Variants in NDUFAF2 observed in about 807,000 individuals in gnomAD.
NDUFAF2 encodes the protein NADH:ubiquinone oxidoreductase complex assembly factor 2.
NDUFAF2 carries 13 observed loss-of-function variants against 22.8 expected under a neutral mutation model. The ratio of observed to expected loss-of-function variants is 0.57; its 90% CI spans 0.37 to 0.91. NDUFAF2 has a LOEUF of 0.91. Among genes scored for constraint, NDUFAF2 ranks in the 40% least tolerant of loss-of-function variants. The pLI is 0.01. For missense variants in NDUFAF2, 162 were observed against 195.2 expected (o/e 0.83, Z 1.01); for synonymous variants, 53 against 64.2 (o/e 0.83, Z 0.84).
At chr5:61,117,820 T>C (rs1297347221) in intron 3 of NDUFAF2, among the ~76,000 whole-genome samples, 15 of 152,130 alleles carry the variant, frequency 9.9e-5, no homozygotes, top group Admixed American at 9.2e-4. Context: ...AGCTCTGCCA[T>C]TGTAGTATGA....
intron 3 of NDUFAF2, among the ~76,000 whole-genome samples, chr5:61,127,827 T>G (rs1190983188): frequency 1.3e-5 from 2 of 152,108 alleles, no homozygotes; most frequent in Admixed American, 6.6e-5. Context: ...TAAAGGGTAT[T>G]CAGTTAGGAA....
intron 1 of NDUFAF2, among the ~76,000 whole-genome samples, chr5:60,988,748 C>A (rs1751117098): frequency 6.6e-6 from 1 of 152,074 alleles, no homozygotes. Context: ...TGAAACTGGA[C>A]CCCTTTCTTA....
At chr5:61,078,240 A>G (rs1752393974) in intron 2 of NDUFAF2, among the ~76,000 whole-genome samples, 1 of 147,750 alleles carries the variant, frequency 6.8e-6, no homozygotes, top group Non-Finnish European at 1.5e-5. Context: ...TACCTTATTC[A>G]TTTTTGTATT....
intron 1 of NDUFAF2, among the ~76,000 whole-genome samples, chr5:60,947,292 C>G (rs1446097358): frequency 3.3e-5 from 5 of 152,112 alleles, no homozygotes; most frequent in Non-Finnish European, 7.4e-5. Flanking sequence ...TTAGTATTAT[C>G]TGATTTTTGG....
intron 1 of NDUFAF2, among the ~76,000 whole-genome samples, chr5:61,031,801 A>G (rs976058122): frequency 1.3e-5 from 2 of 152,310 alleles, no homozygotes; most frequent in Admixed American, 1.3e-4. Flanking sequence ...GAATTGCCAC[A>G]CTGTCTTCCA....
intron 3 of NDUFAF2, among the ~76,000 whole-genome samples, chr5:61,108,037 T>G (rs538488247): frequency 6.6e-6 from 1 of 151,006 alleles, no homozygotes; most frequent in East Asian, 1.9e-4. Flanking sequence ...AACTCATCAT[T>G]TTTTATGGCT....
intron 1 of NDUFAF2, among the ~76,000 whole-genome samples, chr5:61,024,578 G>A (rs1014487965): frequency 6.6e-6 from 1 of 151,908 alleles, no homozygotes; most frequent in Non-Finnish European, 1.5e-5. Flanking sequence ...TTACTGTTGA[G>A]ATAATTGAGA....
intron 3 of NDUFAF2, among the ~76,000 whole-genome samples, chr5:61,121,825 C>T (rs295582): frequency 1.3e-4 from 20 of 149,522 alleles, no homozygotes; most frequent in East Asian, 2.0e-4. Context: ...CTTTCCTTTT[C>T]TTTTCTTTTT....
rs1207127815 is a variant in NDUFAF2, at chr5:60,984,367, T to C, written c.127+38985T>C. On this transcript the variant is annotated intron_variant, in intron 1 of 3. Coordinates refer to ENST00000296597, the MANE Select transcript of NDUFAF2 (RefSeq NM_174889.5). ...AACAGGGACAATTTGACTTCCTCTTTTCCTAATTGAATGCCCTTTATTTCC... is the reference window on the plus strand; with the variant it reads ...AACAGGGACAATTTGACTTCCTCTTCTCCTAATTGAATGCCCTTTATTTCC... Among the ~76,000 whole-genome samples, 4 of 152,226 alleles carry C rather than the reference T, an allele frequency of 2.6e-5. No homozygotes were observed. The East Asian group carries it at 7.7e-4, about 29-fold the overall frequency.
At chr5:60,971,848 A>C (rs1038998133) in intron 1 of NDUFAF2, among the ~76,000 whole-genome samples, 1 of 151,354 alleles carries the variant, frequency 6.6e-6, no homozygotes, top group Admixed American at 6.6e-5. Flanking sequence ...ACATTTTCTT[A>C]ATCCAGTCTA....
At chr5:61,001,790 G>A (rs1049315370) in intron 1 of NDUFAF2, among the ~76,000 whole-genome samples, 2 of 152,002 alleles carry the variant, frequency 1.3e-5, no homozygotes, top group African/African-American at 2.4e-5. Context: ...TCCACATCCC[G>A]TGATCAAACC....
chr5:61,124,883 C>T (rs1753016800), intron 3 of NDUFAF2, among the ~76,000 whole-genome samples: 1 of 151,988 alleles, frequency 6.6e-6, no homozygotes, highest in Non-Finnish European at 1.5e-5. Flanking sequence ...CGCACAGTTC[C>T]CCATAGCTGG....
chr5:61,121,909 C>A (rs964008940), intron 3 of NDUFAF2, among the ~76,000 whole-genome samples: 1 of 151,290 alleles, frequency 6.6e-6, no homozygotes, highest in Admixed American at 6.6e-5. Flanking sequence ...CAGCTCACTG[C>A]AACCTCTGCC....
intron 2 of NDUFAF2, among the ~76,000 whole-genome samples, chr5:61,083,975 G>T (rs1446903546): frequency 6.6e-6 from 1 of 151,464 alleles, no homozygotes; most frequent in Non-Finnish European, 1.5e-5. Context: ...TTGCCTTACT[G>T]CACTGGCAAG....
chr5:61,131,354 T>G (rs1179581944), intron 3 of NDUFAF2, among the ~76,000 whole-genome samples: 1 of 152,062 alleles, frequency 6.6e-6, no homozygotes, highest in African/African-American at 2.4e-5. Context: ...TGTGTTGTTT[T>G]TTTGGGGGGT....
chr5:60,965,350 A>G (rs1048247249), intron 1 of NDUFAF2, among the ~76,000 whole-genome samples: 18 of 152,310 alleles, frequency 1.2e-4, no homozygotes, highest in East Asian at 1.9e-4. Flanking sequence ...GAACATATCT[A>G]CACCTCACAG....
At chr5:61,077,987 A>C (rs1425995890) in intron 2 of NDUFAF2, among the ~76,000 whole-genome samples, 2 of 152,204 alleles carry the variant, frequency 1.3e-5, no homozygotes, top group Non-Finnish European at 2.9e-5. Context: ...TACTGCCTAC[A>C]TCATTTATAA....
At chr5:61,006,509 T>C (rs1751368432) in intron 1 of NDUFAF2, among the ~76,000 whole-genome samples, 1 of 152,174 alleles carries the variant, frequency 6.6e-6, no homozygotes, top group African/African-American at 2.4e-5. Context: ...GGGGATGGCA[T>C]TGAATCTATA....
At chr5:60,971,106 A>G (rs1180064417) in intron 1 of NDUFAF2, among the ~76,000 whole-genome samples, 2 of 149,172 alleles carry the variant, frequency 1.3e-5, no homozygotes, top group African/African-American at 4.9e-5. Flanking sequence ...CTCTAATTCT[A>G]TTTTAATATT....
Sources: gnomAD v4.1 joint callset for allele counts (sites outside exome capture counted in the v4.1 genomes callset) on GRCh38, gnomAD v4.1.1 for gene constraint, MANE v1.5 for transcripts, NCBI Gene and HGNC (gene_info 2026-07-23, HGNC 2026-07-21) for gene names.